STK3: variants seen among roughly 807,000 people sequenced by gnomAD.
The protein encoded by STK3 is serine/threonine-protein kinase 3.
STK3 carries 41 observed loss-of-function variants against 58.0 expected under a neutral mutation model. That is an observed-to-expected ratio of 0.71 (90% confidence interval 0.55 to 0.92). The LOEUF is 0.92. STK3 is among the 40% of genes least tolerant of loss of function. The pLI is 0.00. For synonymous variants in STK3, 170 were observed against 191.0 expected (o/e 0.89, Z 0.91); for missense variants, 479 against 602.7 (o/e 0.79, Z 2.15).
chr8:98,700,662 T>C (rs1299294256), intron 6 of STK3, among the ~76,000 whole-genome samples: 1 of 152,244 alleles, frequency 6.6e-6, no homozygotes, highest in Non-Finnish European at 1.5e-5. Flanking sequence ...ACTATTTATT[T>C]ACACATCTTT....
intron 10 of STK3, among the ~76,000 whole-genome samples, chr8:98,484,990 A>G (rs1308042882): frequency 2.0e-5 from 3 of 152,198 alleles, no homozygotes; most frequent in Admixed American, 2.0e-4. Flanking sequence ...CTGTAATCTC[A>G]GCACTTTGGG....
At chr8:98,860,406 C>A (rs1265313915) in intron 3 of STK3, among the ~76,000 whole-genome samples, 1 of 152,240 alleles carries the variant, frequency 6.6e-6, no homozygotes, top group Admixed American at 6.5e-5. Context: ...GAGGGAACAG[C>A]AAGTGTGAAG....
downstream of STK3, chr8:98,883,635 G>A: frequency 1.4e-6 from 1 of 702,760 alleles, no homozygotes; most frequent in Admixed American, 2.0e-5. Context: ...CTGCAACCAG[G>A]CATTTCTTTA....
intron 3 of STK3, among the ~76,000 whole-genome samples, chr8:98,830,969 C>CAAAAAAAA: frequency 1.7e-5 from 1 of 59,924 alleles, no homozygotes; most frequent in Non-Finnish European, 3.1e-5. Flanking sequence ...GACTCTGTCT[C>CAAAAAAAA]AAAAAAAAAA....
chr8:98,726,737 T>C (rs1442299066), intron 4 of STK3, among the ~76,000 whole-genome samples: 1 of 151,994 alleles, frequency 6.6e-6, no homozygotes, highest in African/African-American at 2.4e-5. Context: ...GAACCATGGG[T>C]CTTTCCACTG....
chr8:98,907,388 C>A (rs1226390504), intron 1 of STK3, among the ~76,000 whole-genome samples: 1 of 151,972 alleles, frequency 6.6e-6, no homozygotes, highest in Non-Finnish European at 1.5e-5. Context: ...GTGGCACCAC[C>A]TGTAGTCCCA....
At chr8:98,826,888 G>A (rs1048527767), upstream of STK3, among the ~76,000 whole-genome samples, 15 of 137,844 alleles carry the variant, frequency 1.1e-4, no homozygotes, top group Non-Finnish European at 1.7e-4. Context: ...AGCCGGGCCT[G>A]GTGATGCGCC....
intron 10 of STK3, among the ~76,000 whole-genome samples, chr8:98,525,266 T>G (rs1825663624): frequency 6.6e-6 from 1 of 152,040 alleles, no homozygotes; most frequent in African/African-American, 2.4e-5. Context: ...TATGGAAACT[T>G]GGAAGGGTGA....
chr8:98,563,301 A>G (rs903591726), intron 8 of STK3, among the ~76,000 whole-genome samples: 9 of 152,202 alleles, frequency 5.9e-5, no homozygotes, highest in African/African-American at 2.2e-4. Flanking sequence ...GTTGTAGGTT[A>G]TAAACAAGCA....
At chr8:98,808,921 G>A (rs1016710686) in intron 1 of STK3, among the ~76,000 whole-genome samples, 3 of 152,172 alleles carry the variant, frequency 2.0e-5, no homozygotes, top group African/African-American at 7.2e-5. Flanking sequence ...CCCACCTCCA[G>A]GGAGGGGAGA....
chr8:98,732,368 T>G (rs1412470996), intron 4 of STK3, among the ~76,000 whole-genome samples: 1 of 152,026 alleles, frequency 6.6e-6, no homozygotes, highest in Non-Finnish European at 1.5e-5. Context: ...ACTCCAGAAA[T>G]TTCCAGAGGG....
intron 1 of STK3, among the ~76,000 whole-genome samples, chr8:98,793,285 C>T (rs1283813277): frequency 6.6e-6 from 1 of 152,056 alleles, no homozygotes; most frequent in African/African-American, 2.4e-5. Flanking sequence ...GAAGAACTTA[C>T]TCCTGTAACC....
downstream of STK3, among the ~76,000 whole-genome samples, chr8:98,397,864 C>T (rs923383187): frequency 1.3e-5 from 2 of 152,146 alleles, no homozygotes; most frequent in African/African-American, 2.4e-5. Flanking sequence ...CATGGTAAGA[C>T]GTGCCACCTT....
At chr8:98,741,159 C>A (rs975644262) in intron 4 of STK3, among the ~76,000 whole-genome samples, 2 of 152,128 alleles carry the variant, frequency 1.3e-5, no homozygotes, top group African/African-American at 2.4e-5. Context: ...GACTTTAACA[C>A]CCCACTGTCA....
At chr8:98,893,801 G>A (rs991183710) in intron 1 of STK3, among the ~76,000 whole-genome samples, 1 of 152,216 alleles carries the variant, frequency 6.6e-6, no homozygotes, top group African/African-American at 2.4e-5. Flanking sequence ...TGGAGAAGCT[G>A]CAAGAACAAG....
At chr8:98,402,724 G>A (rs1230423757) in intron 3 of STK3, among the ~76,000 whole-genome samples, 2 of 152,198 alleles carry the variant, frequency 1.3e-5, no homozygotes, top group Admixed American at 1.3e-4. Context: ...CATGCCTTGG[G>A]AACAGTCTGT....
chr8:98,541,800 A>C (rs961883826), intron 9 of STK3, among the ~76,000 whole-genome samples: 8 of 152,210 alleles, frequency 5.3e-5, no homozygotes, highest in African/African-American at 1.9e-4. Flanking sequence ...TCTGACCTTG[A>C]AGTTTAGCAA....
chr8:98,787,012 T>C (rs1417836481), intron 1 of STK3, among the ~76,000 whole-genome samples: 1 of 150,954 alleles, frequency 6.6e-6, no homozygotes, highest in Non-Finnish European at 1.5e-5. Context: ...CTACTAAAAA[T>C]ACAAAAATTA....
intron 3 of STK3, among the ~76,000 whole-genome samples, chr8:98,861,486 T>C (rs1038116236): frequency 2.0e-5 from 3 of 150,836 alleles, no homozygotes; most frequent in Non-Finnish European, 4.4e-5. Flanking sequence ...TAGCTGGGAC[T>C]ACAGGCGCAC....
Sources: allele counts gnomAD v4.1 joint callset (sites outside exome capture counted in the v4.1 genomes callset), GRCh38; gene constraint gnomAD v4.1.1; transcripts MANE v1.5; gene names NCBI Gene and HGNC (gene_info 2026-07-23, HGNC 2026-07-21).